DLG2: variants seen among roughly 807,000 people sequenced by gnomAD.
The protein encoded by DLG2 is disks large homolog 2.
A neutral mutation model predicts 132.5 loss-of-function variants in DLG2; 45 were observed. That is an observed-to-expected ratio of 0.34 (90% CI 0.27 to 0.44). DLG2 has a LOEUF of 0.44. DLG2 is among the 20% of genes least tolerant of loss of function. The probability of loss-of-function intolerance (pLI) is 1.00; values close to 1 mark genes in which losing one functional copy is unlikely to be tolerated. For synonymous variants in DLG2, 424 were observed against 419.6 expected (o/e 1.01, Z -0.13); for missense variants, 1,045 against 1,196.9 (o/e 0.87, Z 1.87).
intron 3 of DLG2, among the ~76,000 whole-genome samples, chr11:85,434,385 CTGTTT>C (rs2091360717): frequency 6.7e-6 from 1 of 150,280 alleles, no homozygotes; most frequent in African/African-American, 2.5e-5. Flanking sequence ...AATCCAGGGG[CTGTTT>C]TTTTTGAAAA....
At chr11:83,690,936 C>T (rs2080882587) in intron 18 of DLG2, among the ~76,000 whole-genome samples, 1 of 152,128 alleles carries the variant, frequency 6.6e-6, no homozygotes, top group South Asian at 2.1e-4. Flanking sequence ...GCTGCTTTTG[C>T]ACTACAATGG....
chr11:83,826,751 C>T (rs2052917744), intron 17 of DLG2, among the ~76,000 whole-genome samples: 1 of 152,020 alleles, frequency 6.6e-6, no homozygotes, highest in Non-Finnish European at 1.5e-5. Context: ...ATACTTTTTC[C>T]TGAAGGGAGA....
chr11:83,991,175 C>T (rs1406868040), intron 11 of DLG2, among the ~76,000 whole-genome samples: 1 of 152,172 alleles, frequency 6.6e-6, no homozygotes, highest in East Asian at 1.9e-4. Flanking sequence ...AAAGCATTAT[C>T]TTCTTACTCT....
At chr11:83,514,406 T>C (rs937714745) in intron 21 of DLG2, among the ~76,000 whole-genome samples, 1 of 152,196 alleles carries the variant, frequency 6.6e-6, no homozygotes, top group Non-Finnish European at 1.5e-5. Context: ...CTGAAGTTGC[T>C]TATGAGCTTA....
At chr11:84,931,254 C>T (rs1036249399) in intron 6 of DLG2, among the ~76,000 whole-genome samples, 1 of 151,886 alleles carries the variant, frequency 6.6e-6, no homozygotes, top group African/African-American at 2.4e-5. Flanking sequence ...ATTTCATCAC[C>T]CAGGTATTAA....
intron 19 of DLG2, among the ~76,000 whole-genome samples, chr11:83,587,984 G>A (rs1482059475): frequency 1.3e-5 from 2 of 152,192 alleles, no homozygotes; most frequent in Admixed American, 1.3e-4. Flanking sequence ...CTGGCTCAGA[G>A]GCTCCTAAGC....
chr11:83,902,381 A>G (rs2073705240), intron 15 of DLG2, among the ~76,000 whole-genome samples: 1 of 152,216 alleles, frequency 6.6e-6, no homozygotes, highest in East Asian at 1.9e-4. Context: ...TTATATGGAT[A>G]TAAAAACTGC....
rs184855322 is a variant in DLG2 at position 84,896,194 on chromosome 11, A to G, written c.357+215467T>C. 3.9e-4 allele frequency among the ~76,000 whole-genome samples: 60 copies of G among 152,276 alleles called. 4 individuals carry two copies. In the South Asian group the frequency reaches 0.012, roughly 32 times the overall value. ...TTCTATTTCAATGCAGAATGAAAAT[A>G]TGATCTTTAATATATTTATGCCAGC... On this transcript the variant is annotated intron_variant, in intron 6 of 27. Coordinates refer to ENST00000376104, the MANE Select transcript of DLG2 (RefSeq NM_001142699.3).
intron 18 of DLG2, among the ~76,000 whole-genome samples, chr11:83,650,363 A>G (rs1388972294): frequency 1.3e-5 from 2 of 152,176 alleles, no homozygotes; most frequent in Non-Finnish European, 2.9e-5. Context: ...TGAAAACAAG[A>G]GGTTGGAGGG....
chr11:84,498,697 A>G (rs1590853407), intron 7 of DLG2, among the ~76,000 whole-genome samples: 1 of 152,232 alleles, frequency 6.6e-6, no homozygotes, highest in South Asian at 2.1e-4. Context: ...GCCATTGCCT[A>G]CAAATCTTAC....
intron 6 of DLG2, among the ~76,000 whole-genome samples, chr11:85,079,784 C>T (rs2154171131): frequency 6.6e-6 from 1 of 152,152 alleles, no homozygotes; most frequent in African/African-American, 2.4e-5. Flanking sequence ...GCATGTGCCA[C>T]CACGCCTGGC....
At chr11:84,274,462 A>G (rs1421349389) in intron 7 of DLG2, among the ~76,000 whole-genome samples, 1 of 152,226 alleles carries the variant, frequency 6.6e-6, no homozygotes, top group Non-Finnish European at 1.5e-5. Context: ...CAAACAAGGT[A>G]CAAATTGTAG....
intron 3 of DLG2, among the ~76,000 whole-genome samples, chr11:85,345,158 G>T (rs1005235097): frequency 8.5e-5 from 13 of 152,076 alleles, no homozygotes; most frequent in African/African-American, 3.1e-4. Flanking sequence ...TATGCACACG[G>T]TCTCTTCATT....
In DLG2 at chr11:85,251,078, C is replaced by G. The variant is rs61907842; in HGVS notation, c.186+34142G>C. Among the ~76,000 whole-genome samples the G allele has an allele frequency of 6.2e-3, 946 of 152,194 alleles. 5 individuals carry two copies. Among genetic ancestry groups the G allele is most frequent in the Middle Eastern group, 0.014 (4 of 294 alleles). ...TATCAACAGTAAGGTTGTTAGCATT[C>G]TCAGTATAAAAATTGTTTCCAGGTA... On this transcript the variant is annotated intron_variant, in intron 4 of 27. Transcript: ENST00000376104.
chr11:85,512,712 G>T (rs1179423838), intron 3 of DLG2, among the ~76,000 whole-genome samples: 1 of 151,978 alleles, frequency 6.6e-6, no homozygotes, highest in East Asian at 1.9e-4. Flanking sequence ...TGAGGTTGCA[G>T]AAAAAAGGGA....
At chr11:85,163,711 A>G (rs1229735332) in intron 4 of DLG2, among the ~76,000 whole-genome samples, 1 of 152,210 alleles carries the variant, frequency 6.6e-6, no homozygotes, top group Non-Finnish European at 1.5e-5. Flanking sequence ...TATGACTATC[A>G]TCATTGAAAA....
chr11:83,472,669 A>T, intron 23 of DLG2, 58 bp downstream of exon 23: 1 of 1,489,666 alleles, frequency 6.7e-7, no homozygotes, highest in Non-Finnish European at 9.3e-7. Context: ...TCCCTCCTTC[A>T]ATGATGTCAC....
At chr11:85,080,930 T>C (rs562293891) in intron 6 of DLG2, among the ~76,000 whole-genome samples, 40 of 152,270 alleles carry the variant, frequency 2.6e-4, no homozygotes, top group African/African-American at 9.1e-4. Flanking sequence ...GAGGATGTTT[T>C]TCAAAGATGT....
intron 7 of DLG2, among the ~76,000 whole-genome samples, chr11:84,352,749 C>A (rs537648831): frequency 1.3e-5 from 2 of 152,206 alleles, no homozygotes; most frequent in South Asian, 2.1e-4. Context: ...GGGTAATATG[C>A]CACCTGGCAA....
Sources: allele counts gnomAD v4.1 joint callset (sites outside exome capture counted in the v4.1 genomes callset), GRCh38; gene constraint gnomAD v4.1.1; transcripts MANE v1.5; gene names NCBI Gene and HGNC (gene_info 2026-07-23, HGNC 2026-07-21).